PHF20: variants seen among roughly 807,000 people sequenced by gnomAD.
PHF20 encodes the protein glioma-expressed antigen 2.
In PHF20, 23 loss-of-function variants were observed where a neutral mutation model predicts 113.5. The observed-to-expected ratio is 0.20, with a 90% CI of 0.15 to 0.29. PHF20 has a LOEUF of 0.29. PHF20 is among the 10% of genes least tolerant of loss of function. PHF20 has a pLI of 1.00. For missense variants in PHF20, 943 were observed against 1,219.6 expected (o/e 0.77, Z 3.38); for synonymous variants, 434 against 457.3 (o/e 0.95, Z 0.65).
chr20:35,926,314 T>C (rs1483370592), intron 13 of PHF20, among the ~76,000 whole-genome samples: 96 of 131,920 alleles, frequency 7.3e-4, no homozygotes, highest in African/African-American at 2.7e-3. Flanking sequence ...CTCGGCTCAC[T>C]GCAAGCTCCG....
chr20:35,819,676 G>GTT (rs1376578282), intron 2 of PHF20, among the ~76,000 whole-genome samples: 2 of 150,448 alleles, frequency 1.3e-5, no homozygotes. Context: ...GTGTGTGTGT[G>GTT]TTTTTAAGCA....
chr20:35,897,209 A>AT (rs892974527), intron 9 of PHF20, among the ~76,000 whole-genome samples: 16 of 148,086 alleles, frequency 1.1e-4, no homozygotes, highest in Admixed American at 1.4e-4. Flanking sequence ...AATTAACAAA[A>AT]TTTTTTTTTT....
At chr20:35,934,334 C>T (rs990331841) in intron 15 of PHF20, among the ~76,000 whole-genome samples, 3 of 152,152 alleles carry the variant, frequency 2.0e-5, no homozygotes, top group Admixed American at 1.3e-4. Flanking sequence ...ACAAGGACCC[C>T]CCACATAGAG....
At chr20:35,801,664 G>A (rs1443042110) in intron 2 of PHF20, 59 bp downstream of exon 2, 1 of 1,104,056 alleles carries the variant, frequency 9.1e-7, no homozygotes, top group East Asian at 2.4e-5. Context: ...TGCCAGCACT[G>A]ATAGAGTGGT....
intron 1 of PHF20, among the ~76,000 whole-genome samples, chr20:35,787,182 T>C (rs1368088776): frequency 6.6e-6 from 1 of 151,166 alleles, no homozygotes; most frequent in Non-Finnish European, 1.5e-5. Flanking sequence ...TATTTATTTA[T>C]TTATTTATTT....
intron 9 of PHF20, among the ~76,000 whole-genome samples, chr20:35,889,417 A>G (rs2054806574): frequency 6.6e-6 from 1 of 151,828 alleles, no homozygotes; most frequent in Non-Finnish European, 1.5e-5. Flanking sequence ...GCTGGAGTGC[A>G]GTGGCACAAT....
chr20:35,892,076 G>A (rs748781498), intron 9 of PHF20, among the ~76,000 whole-genome samples: 15 of 150,798 alleles, frequency 9.9e-5, no homozygotes, highest in Admixed American at 4.6e-4. Flanking sequence ...TTTTTTAAGC[G>A]GGGGACAGTC....
chr20:35,829,315 C>A (rs1403724644), intron 2 of PHF20, among the ~76,000 whole-genome samples: 1 of 152,076 alleles, frequency 6.6e-6, no homozygotes, highest in African/African-American at 2.4e-5. Context: ...GTTCTGCAAC[C>A]ATTACCAGCC....
intron 4 of PHF20, chr20:35,849,563 G>T (rs1280694915): frequency 8.6e-6 from 4 of 467,532 alleles, no homozygotes; most frequent in Non-Finnish European, 8.9e-6. Context: ...TTTCAAAAAT[G>T]ATTAGGTTTG....
intron 12 of PHF20, among the ~76,000 whole-genome samples, chr20:35,915,213 C>T (rs191717326): frequency 6.6e-6 from 1 of 150,384 alleles, no homozygotes; most frequent in Admixed American, 6.6e-5. Context: ...TGTCCTGCTA[C>T]AGGATGGTAC....
chr20:35,929,446 A>G (rs2055708260), intron 14 of PHF20, among the ~76,000 whole-genome samples: 1 of 152,246 alleles, frequency 6.6e-6, no homozygotes, highest in Admixed American at 6.5e-5. Flanking sequence ...AAGGGACATG[A>G]CTGGCCCAAG....
At chr20:35,804,294 C>T (rs1428250246) in intron 2 of PHF20, among the ~76,000 whole-genome samples, 1 of 141,618 alleles carries the variant, frequency 7.1e-6, no homozygotes, top group Non-Finnish European at 1.5e-5. Context: ...AGTGCAGTGG[C>T]TCGATCTCTC....
At chr20:35,866,543 G>T (rs1275288758) in intron 6 of PHF20, among the ~76,000 whole-genome samples, 1 of 152,210 alleles carries the variant, frequency 6.6e-6, no homozygotes, top group South Asian at 2.1e-4. Flanking sequence ...TTTATGTAAA[G>T]TGGGAGAAGG....
chr20:35,836,840 G>A (rs1238331646), intron 2 of PHF20, among the ~76,000 whole-genome samples: 8 of 134,068 alleles, frequency 6.0e-5, no homozygotes, highest in South Asian at 2.4e-4. Flanking sequence ...GGGAGACTCC[G>A]TCTCAAAAAA....
chr20:35,858,474 G>GC (rs1178086627), intron 5 of PHF20, 93 bp downstream of exon 5: 1 of 647,814 alleles, frequency 1.5e-6, no homozygotes, highest in Non-Finnish European at 2.7e-6. Context: ...GTTTATGATA[G>GC]CAAGTGTTTA....
At chr20:35,868,560 C>A (rs1326684488) in intron 6 of PHF20, among the ~76,000 whole-genome samples, 2 of 152,032 alleles carry the variant, frequency 1.3e-5, no homozygotes, top group South Asian at 4.1e-4. Context: ...GAGCCGAGAT[C>A]GTGCCACTGC....
chr20:35,932,024 T>G (rs1165943389), intron 15 of PHF20, among the ~76,000 whole-genome samples: 2 of 151,616 alleles, frequency 1.3e-5, no homozygotes, highest in African/African-American at 4.8e-5. Context: ...CAATACATGG[T>G]GTGTGTATTT....
At chr20:35,845,427 G>A (rs1288908409) in intron 3 of PHF20, 2 of 393,104 alleles carry the variant, frequency 5.1e-6, no homozygotes, top group Non-Finnish European at 5.2e-6. Flanking sequence ...GTGCAGTGGT[G>A]CAGTCTTGGC....
At chr20:35,792,845 T>G (rs553268090) in intron 1 of PHF20, among the ~76,000 whole-genome samples, 1 of 152,188 alleles carries the variant, frequency 6.6e-6, no homozygotes, top group Non-Finnish European at 1.5e-5. Flanking sequence ...TCACTTATTC[T>G]TCACAACAAC....
Sources: allele counts gnomAD v4.1 joint callset (sites outside exome capture counted in the v4.1 genomes callset), GRCh38; gene constraint gnomAD v4.1.1; transcripts MANE v1.5; gene names NCBI Gene and HGNC (gene_info 2026-07-23, HGNC 2026-07-21).